The following HEPH variants were observed in gnomAD, a reference collection of about 807,000 sequenced individuals.
The protein encoded by HEPH is hephaestin.
HEPH carries 69 observed loss-of-function variants against 80.8 expected under a neutral mutation model. That is an observed-to-expected ratio of 0.85 (90% CI 0.70 to 1.04). The LOEUF (loss-of-function observed/expected upper bound fraction) is 1.04, where lower values mean the gene tolerates loss of function less well. Ranked by LOEUF, HEPH falls within the 50% of genes least tolerant of loss-of-function variation. The pLI is 0.00. For missense variants in HEPH, 1,115 were observed against 891.3 expected, an observed-to-expected ratio of 1.25 and a Z score of -3.20; for synonymous variants, 431 against 322.8, an observed-to-expected ratio of 1.34 and a Z score of -3.60.
At chrX:66,227,701 G>A (rs1283990997) in intron 15 of HEPH, among the ~76,000 whole-genome samples, 2 of 111,657 alleles carry the variant, frequency 1.8e-5, no homozygotes, top group African/African-American at 6.5e-5. Flanking sequence ...AAGATTAGTT[G>A]ACTGTAAACA....
intron 13 of HEPH, among the ~76,000 whole-genome samples, chrX:66,204,028 A>G (rs1337410323): frequency 8.9e-6 from 1 of 112,223 alleles, no homozygotes; most frequent in Non-Finnish European, 1.9e-5. Context: ...AATATGAGCA[A>G]TTCAGGGCTG....
chrX:66,164,925 T>C (rs758876416), intron 1 of HEPH, among the ~76,000 whole-genome samples: 12 of 112,191 alleles, frequency 1.1e-4, no homozygotes, highest in Non-Finnish European at 2.1e-4. Flanking sequence ...ATTTGAGTAG[T>C]CTTAGTTTCT....
intron 15 of HEPH, among the ~76,000 whole-genome samples, chrX:66,244,440 G>A (rs1002882380): frequency 8.9e-6 from 1 of 111,843 alleles, no homozygotes; most frequent in Non-Finnish European, 1.9e-5. Flanking sequence ...CAGCTTGGTT[G>A]ATTCTGCTGT....
intron 1 of HEPH, among the ~76,000 whole-genome samples, chrX:66,167,349 T>C (rs1371839344): frequency 8.9e-6 from 1 of 112,508 alleles, no homozygotes; most frequent in Non-Finnish European, 1.9e-5. Flanking sequence ...GCCATTTGGA[T>C]CATAAGTCAC....
intron 19 of HEPH, among the ~76,000 whole-genome samples, chrX:66,261,608 G>T (rs758439856): frequency 2.8e-5 from 3 of 108,791 alleles, no homozygotes; most frequent in African/African-American, 1.0e-4. Context: ...GTTTTCTGGG[G>T]TTGTCAGTCA....
chrX:66,164,573 A>C (rs1487637924), intron 1 of HEPH, 103 bp downstream of exon 1: 2 of 577,287 alleles, frequency 3.5e-6, no homozygotes, highest in African/African-American at 2.5e-5. Context: ...CTAGGAGAAA[A>C]AGTCAGTGGC....
At chrX:66,224,302 T>C (rs949647260) in intron 15 of HEPH, among the ~76,000 whole-genome samples, 2 of 111,575 alleles carry the variant, frequency 1.8e-5, no homozygotes, top group Non-Finnish European at 3.8e-5. Flanking sequence ...CCAAATTAAC[T>C]TAGAATTGGT....
chrX:66,164,209 C>G (rs936010577), upstream of HEPH: 17 of 752,216 alleles, frequency 2.3e-5, no homozygotes, highest in African/African-American at 4.6e-5. Flanking sequence ...AGAACCATCC[C>G]GGGTTTTGTA....
rs1479990197 is a variant in HEPH, at chrX:66,245,473, C to G, written c.2564-9562C>G. Among the ~76,000 whole-genome samples the G allele has an allele frequency of 5.4e-5, 6 of 111,586 alleles. No individual in the cohort carries two copies. In the Admixed American group the frequency reaches 5.7e-4, roughly 11 times the overall value. The stretch of plus-strand genomic sequence containing the variant: ...CACCCAATACAGGAGCACCCAGATT[C>G]ATAAAGCAAGTCCTTAGAGACCTAC... On this transcript the variant is annotated intron_variant, in intron 15 of 20. Coordinates refer to ENST00000343002, the MANE Select transcript of HEPH (RefSeq NM_001367233.3).
intron 15 of HEPH, among the ~76,000 whole-genome samples, chrX:66,214,621 A>G (rs938998271): frequency 3.6e-5 from 4 of 111,490 alleles, no homozygotes; most frequent in African/African-American, 1.3e-4. Flanking sequence ...TGTTAACTTT[A>G]TAAGTTTCTT....
At position 66,205,146 on chromosome X, in the gene HEPH, G is replaced by A. The variant is rs1288302340; in HGVS notation, c.2291+1569G>A. On this transcript the variant is annotated intron_variant, in intron 13 of 20. Coordinates refer to ENST00000343002, the MANE Select transcript of HEPH (RefSeq NM_001367233.3). ...TTAATTAATTTCAACTTTTATTTTAGGTATGGGGGTACATGTGCAGGTTTG... is the reference window on the plus strand; with the variant it reads ...TTAATTAATTTCAACTTTTATTTTAAGTATGGGGGTACATGTGCAGGTTTG... Among the ~76,000 whole-genome samples the A allele has an allele frequency of 1.5e-4, 17 of 111,165 alleles. No individual in the cohort carries two copies. The Admixed American group carries it at 1.6e-3, about 11-fold the overall frequency.
intron 15 of HEPH, among the ~76,000 whole-genome samples, chrX:66,241,039 G>A (rs1414938207): frequency 9.0e-6 from 1 of 111,224 alleles, no homozygotes. Context: ...TAAAAATATA[G>A]ACAAGCACTT....
chrX:66,187,378 G>T (rs576889878), intron 4 of HEPH, among the ~76,000 whole-genome samples: 2 of 111,326 alleles, frequency 1.8e-5, no homozygotes, highest in East Asian at 5.6e-4. Flanking sequence ...TCTCATTTGA[G>T]TGGGCTCTGT....
At chrX:66,199,173 A>C (rs2088279054) in intron 11 of HEPH, 145 bp downstream of exon 11, 1 of 544,344 alleles carries the variant, frequency 1.8e-6, no homozygotes, top group Admixed American at 3.2e-5. Flanking sequence ...GCTCAACCGA[A>C]CACAACAGAT....
intron 9 of HEPH, among the ~76,000 whole-genome samples, chrX:66,197,176 T>G (rs2088147949): frequency 9.1e-6 from 1 of 110,395 alleles, no homozygotes; most frequent in Admixed American, 9.7e-5. Flanking sequence ...ACAGCCTTAG[T>G]GTTTTATATA....
chrX:66,176,740 AC>A (rs1182512230), intron 4 of HEPH, among the ~76,000 whole-genome samples: 12 of 110,998 alleles, frequency 1.1e-4, no homozygotes, highest in Middle Eastern at 4.7e-3. Context: ...ATGATTGAGA[AC>A]ATGCGGTGTT....
At chrX:66,211,754 G>T (rs777852921) in intron 15 of HEPH, among the ~76,000 whole-genome samples, 11 of 111,684 alleles carry the variant, frequency 9.8e-5, no homozygotes, top group African/African-American at 3.6e-4. Flanking sequence ...ATGAACACAG[G>T]TTGATTTCAT....
intron 15 of HEPH, among the ~76,000 whole-genome samples, chrX:66,247,393 C>T (rs1336040337): frequency 9.3e-6 from 1 of 107,375 alleles, no homozygotes; most frequent in East Asian, 2.9e-4. Flanking sequence ...TAGATATTTT[C>T]CATTGTCCTA....
At chrX:66,187,010 A>G (rs1218314331) in intron 4 of HEPH, among the ~76,000 whole-genome samples, 1 of 110,669 alleles carries the variant, frequency 9.0e-6, no homozygotes, top group African/African-American at 3.3e-5. Flanking sequence ...TACTTGTTCA[A>G]TTCTATTGAT....
Sources: gnomAD v4.1 joint callset for allele counts (sites outside exome capture counted in the v4.1 genomes callset) on GRCh38, gnomAD v4.1.1 for gene constraint, MANE v1.5 for transcripts, NCBI Gene and HGNC (gene_info 2026-07-23, HGNC 2026-07-21) for gene names.